Variants in ANKRD6 observed in about 807,000 individuals in gnomAD.
The protein encoded by ANKRD6 is ankyrin repeat domain-containing protein 6.
ANKRD6 carries 56 observed loss-of-function variants against 82.3 expected under a neutral mutation model. The ratio of observed to expected loss-of-function variants is 0.68; its 90% CI spans 0.55 to 0.85. ANKRD6 has a LOEUF of 0.85. ANKRD6 is among the 40% of genes least tolerant of loss of function. The pLI is 0.00. For missense variants in ANKRD6, 852 were observed against 907.6 expected (o/e 0.94, Z 0.79); for synonymous variants, 347 against 352.1 (o/e 0.99, Z 0.16).
intron 1 of ANKRD6, among the ~76,000 whole-genome samples, chr6:89,440,640 C>CT (rs1297954509): frequency 6.6e-6 from 1 of 152,066 alleles, no homozygotes; most frequent in Admixed American, 6.6e-5. Context: ...TAAAGATGCA[C>CT]TAGCTGGGTG....
At chr6:89,618,424 C>T (rs1802163350) in intron 9 of ANKRD6, 1 of 548,380 alleles carries the variant, frequency 1.8e-6, no homozygotes, top group African/African-American at 1.9e-5. Context: ...AGTGGCATTC[C>T]CCAGAGAAAG....
chr6:89,481,726 GTGCTGGTGGTACTGCTGC>G, intron 1 of ANKRD6, among the ~76,000 whole-genome samples: 1 of 152,262 alleles, frequency 6.6e-6, no homozygotes, highest in East Asian at 1.9e-4. Flanking sequence ...ACGGCTGGCA[GTGCTGGTGGTACTGCTGC>G]TGCTGCTGGT....
At chr6:89,466,335 T>C (rs1427098351) in intron 1 of ANKRD6, among the ~76,000 whole-genome samples, 2 of 152,190 alleles carry the variant, frequency 1.3e-5, no homozygotes, top group Non-Finnish European at 2.9e-5. Flanking sequence ...GTTACTTTCC[T>C]TGAAGAGAAA....
intron 1 of ANKRD6, among the ~76,000 whole-genome samples, chr6:89,560,376 A>C (rs569922069): frequency 6.6e-6 from 1 of 152,326 alleles, no homozygotes; most frequent in African/African-American, 2.4e-5. Flanking sequence ...GTGTGCAAGC[A>C]TGAGTGCGCT....
chr6:89,483,201 G>A (rs1043782958), intron 1 of ANKRD6, among the ~76,000 whole-genome samples: 3 of 152,172 alleles, frequency 2.0e-5, no homozygotes, highest in African/African-American at 7.2e-5. Flanking sequence ...AAGCCCGCCT[G>A]GTAGATTGCT....
At position 89,468,950 on chromosome 6, in the gene ANKRD6, C is replaced by T. The variant is rs192453269; in HGVS notation, c.-144+35575C>T. On this transcript the variant is annotated intron_variant, in intron 1 of 15. Coordinates refer to ENST00000339746, the MANE Select transcript of ANKRD6 (RefSeq NM_001242809.2). ...TTCACCTTAAGAATAATGATTGTTGCCTGGGACTTGTCTTATAAATTCAGT... is the reference window on the plus strand; with the variant it reads ...TTCACCTTAAGAATAATGATTGTTGTCTGGGACTTGTCTTATAAATTCAGT... Among the ~76,000 whole-genome samples the T allele has an allele frequency of 1.6e-4, 24 of 152,092 alleles. No homozygotes were observed. The East Asian group carries it at 4.2e-3, about 27-fold the overall frequency.
chr6:89,513,032 C>G (rs1406069802), intron 1 of ANKRD6, among the ~76,000 whole-genome samples: 1 of 151,992 alleles, frequency 6.6e-6, no homozygotes, highest in African/African-American at 2.4e-5. Context: ...TCAAGGGATC[C>G]TCCTGCCTCC....
chr6:89,468,090 G>A (rs76527516), intron 1 of ANKRD6, among the ~76,000 whole-genome samples: 7,878 of 152,134 alleles, frequency 0.052, 521 homozygotes, highest in African/African-American at 0.15. Flanking sequence ...GAAATTAGGC[G>A]ACCCACACCA....
At chr6:89,455,674 A>G (rs554986761) in intron 1 of ANKRD6, among the ~76,000 whole-genome samples, 1 of 152,030 alleles carries the variant, frequency 6.6e-6, no homozygotes, top group Admixed American at 6.6e-5. Flanking sequence ...AAAAGCATGT[A>G]ACACCTGCCC....
intron 1 of ANKRD6, among the ~76,000 whole-genome samples, chr6:89,444,292 G>T (rs1002838902): frequency 6.6e-6 from 1 of 152,110 alleles, no homozygotes; most frequent in Non-Finnish European, 1.5e-5. Context: ...AGGAGAGAGT[G>T]GCAGATCAGT....
chr6:89,600,275 A>G (rs1035248259), intron 3 of ANKRD6, among the ~76,000 whole-genome samples: 1 of 152,070 alleles, frequency 6.6e-6, no homozygotes, highest in Non-Finnish European at 1.5e-5. Context: ...AGATACCTCA[A>G]CTCATAATTT....
At chr6:89,614,362 TG>T (rs773848996) in intron 7 of ANKRD6, among the ~76,000 whole-genome samples, 2 of 152,004 alleles carry the variant, frequency 1.3e-5, no homozygotes, top group Non-Finnish European at 2.9e-5. Flanking sequence ...TTTAAAAATT[TG>T]GCCGGCCGTG....
At chr6:89,548,264 A>G (rs1022747109) in intron 1 of ANKRD6, among the ~76,000 whole-genome samples, 4 of 152,210 alleles carry the variant, frequency 2.6e-5, no homozygotes, top group Non-Finnish European at 4.4e-5. Context: ...TGGACATTTC[A>G]TATAAATAGA....
At chr6:89,550,814 G>T (rs1278739844) in intron 1 of ANKRD6, among the ~76,000 whole-genome samples, 1 of 152,054 alleles carries the variant, frequency 6.6e-6, no homozygotes, top group Non-Finnish European at 1.5e-5. Flanking sequence ...AAATTAGCAG[G>T]GCATGGTGGC....
chr6:89,620,504 A>T (rs1044304333), intron 9 of ANKRD6, among the ~76,000 whole-genome samples: 2 of 152,182 alleles, frequency 1.3e-5, no homozygotes, highest in African/African-American at 2.4e-5. Flanking sequence ...GTGAATCTGA[A>T]TTTAGCTTTA....
intron 1 of ANKRD6, among the ~76,000 whole-genome samples, chr6:89,487,147 T>C (rs1777473671): frequency 6.6e-6 from 1 of 152,296 alleles, no homozygotes; most frequent in Non-Finnish European, 1.5e-5. Flanking sequence ...TACTCATCTG[T>C]ATAATGGGGA....
intron 1 of ANKRD6, among the ~76,000 whole-genome samples, chr6:89,476,977 T>C (rs921212056): frequency 1.1e-4 from 17 of 152,330 alleles, no homozygotes; most frequent in Non-Finnish European, 2.4e-4. Context: ...CGGAGTCTCG[T>C]TCTGTCGCCC....
rs925666496 is a variant in ANKRD6 at position 89,632,177 on chromosome 6, C to T, written c.*1173C>T. 5.9e-5 allele frequency: 9 copies of T among 152,180 alleles called. No homozygotes were observed. Among genetic ancestry groups the T allele is most frequent in the African/African-American group, 1.9e-4 (8 of 41,444 alleles). 9.4% of individuals were successfully genotyped at this position (152,180 alleles called of 1,614,324 possible). A position where few individuals can be genotyped will look rare whatever the true frequency, so the allele number is the denominator to read the frequency against. ...AACTTCAGTTCTATTTCTATAGACACAGGAACCTAGTGACTATTGAACGTA... is the reference window on the plus strand; with the variant it reads ...AACTTCAGTTCTATTTCTATAGACATAGGAACCTAGTGACTATTGAACGTA... On this transcript the variant is annotated 3_prime_UTR_variant, in exon 16 of 16. Coordinates refer to ENST00000339746, the MANE Select transcript of ANKRD6 (RefSeq NM_001242809.2).
intron 1 of ANKRD6, among the ~76,000 whole-genome samples, chr6:89,465,018 T>A (rs1444404413): frequency 2.0e-5 from 3 of 152,182 alleles, no homozygotes; most frequent in Non-Finnish European, 4.4e-5. Flanking sequence ...TGCCCTGAAA[T>A]TCCCCCTCCC....
Sources: gnomAD v4.1 joint callset for allele counts (sites outside exome capture counted in the v4.1 genomes callset) on GRCh38, gnomAD v4.1.1 for gene constraint, MANE v1.5 for transcripts, NCBI Gene and HGNC (gene_info 2026-07-23, HGNC 2026-07-21) for gene names.